The following ADCYAP1R1 variants were observed in gnomAD, a reference collection of about 807,000 sequenced individuals.
ADCYAP1R1 encodes the protein ADCYAP receptor type I.
ADCYAP1R1 carries 44 observed loss-of-function variants against 67.6 expected under a neutral mutation model. The ratio of observed to expected loss-of-function variants is 0.65; its 90% CI spans 0.51 to 0.84. The LOEUF (loss-of-function observed/expected upper bound fraction) is 0.84. Ranked by LOEUF, ADCYAP1R1 falls within the 40% of genes least tolerant of loss-of-function variation. The pLI, the probability that ADCYAP1R1 is intolerant of heterozygous loss-of-function variation, is 0.00. For missense variants in ADCYAP1R1, 477 were observed against 587.9 expected, an observed-to-expected ratio of 0.81 and a Z score of 1.95; for synonymous variants, 222 against 219.6, an observed-to-expected ratio of 1.01 and a Z score of -0.10.
intron 4 of ADCYAP1R1, among the ~76,000 whole-genome samples, chr7:31,080,350 A>T (rs1795463881): frequency 6.6e-6 from 1 of 152,102 alleles, no homozygotes; most frequent in Non-Finnish European, 1.5e-5. Flanking sequence ...GTGGCTGTGT[A>T]GGATATTGGA....
intron 12 of ADCYAP1R1, among the ~76,000 whole-genome samples, chr7:31,090,290 A>G (rs1387779550): frequency 2.0e-5 from 3 of 152,050 alleles, no homozygotes; most frequent in African/African-American, 2.4e-5. Context: ...GTGTATGTCT[A>G]TTGTCTTGCC....
chr7:31,109,789 A>AG lies in ADCYAP1R1; in HGVS notation c.*3111dup, dbSNP rs1015969476. ...TGCTGAGGCTGTCAGGGAGCCAGAGAGGGGGGTCCAAGTGCGGGATGTGGG... is the reference window on the plus strand; with the variant it reads ...TGCTGAGGCTGTCAGGGAGCCAGAGAGGGGGGGTCCAAGTGCGGGATGTGGG... On this transcript the variant is annotated 3_prime_UTR_variant, in exon 16 of 16. Transcript: ENST00000304166. The AG allele has an allele frequency of 6.6e-6, 1 of 152,386 alleles. No homozygotes were observed. The highest frequency in any genetic ancestry group is 2.4e-5 in the African/African-American group (1 of 41,378). 9.4% of individuals were successfully genotyped at this position (152,386 alleles called of 1,614,324 possible). A position where few individuals can be genotyped will look rare whatever the true frequency, so the allele number is the denominator to read the frequency against.
rs185353035 is a variant in ADCYAP1R1 at position 31,076,815 on chromosome 7, G to C, written c.158-1176G>C. 7.5e-3 allele frequency among the ~76,000 whole-genome samples: 1,137 copies of C among 152,264 alleles called. 56 individuals are homozygous for C. The highest frequency in any genetic ancestry group is 0.068 in the Admixed American group (1,048 of 15,302). The stretch of plus-strand genomic sequence containing the variant: ...CCCCTCCCCTTAGGGCGGATGGGGG[G>C]CCCTGCTGAGGGGGTGGATCTGAAG... On this transcript the variant is annotated intron_variant, in intron 3 of 15. Coordinates refer to ENST00000304166, the MANE Select transcript of ADCYAP1R1 (RefSeq NM_001118.5).
chr7:31,102,879 C>T lies in ADCYAP1R1; in HGVS notation c.1047-358C>T, dbSNP rs1362366958. Reference sequence around the variant, plus strand: ...CAGAACAGGAGAGCGGCTGCTCTGCCTGAGGACCCTGCATTTCCCACAAGC... The same window carrying T: ...CAGAACAGGAGAGCGGCTGCTCTGCTTGAGGACCCTGCATTTCCCACAAGC... On this transcript the variant is annotated intron_variant, in intron 13 of 15. Transcript: ENST00000304166. This position sits in a 1 kb window ranked among gnomAD's most constrained non-coding sequence, Gnocchi z 4.3. Among the ~76,000 whole-genome samples, 2 of 152,210 alleles carry T rather than the reference C, an allele frequency of 1.3e-5. No homozygotes were observed. Among genetic ancestry groups the T allele is most frequent in the Admixed American group, 1.3e-4 (2 of 15,278 alleles).
chr7:31,103,212 C>T (rs757261537), intron 13 of ADCYAP1R1, 25 bp from the exon 14 acceptor site: 10 of 1,612,502 alleles, frequency 6.2e-6, no homozygotes, highest in Non-Finnish European at 7.6e-6. Context: ...GTCCCCAGAG[C>T]AGATGTTTTG....
chr7:31,059,482 C>T (rs929568891), intron 1 of ADCYAP1R1, among the ~76,000 whole-genome samples: 2 of 152,152 alleles, frequency 1.3e-5, no homozygotes, highest in African/African-American at 4.8e-5. Flanking sequence ...TGGAGTGACC[C>T]ATTTTCCCAT....
chr7:31,081,181 CAG>C (rs1244443973), intron 5 of ADCYAP1R1, among the ~76,000 whole-genome samples: 3 of 151,896 alleles, frequency 2.0e-5, no homozygotes, highest in African/African-American at 7.3e-5. Flanking sequence ...TCATTGCTAA[CAG>C]GGGGTTTGGC....
At chr7:31,088,966 T>C (rs1473033618) in intron 12 of ADCYAP1R1, among the ~76,000 whole-genome samples, 4 of 152,224 alleles carry the variant, frequency 2.6e-5, no homozygotes, top group East Asian at 1.9e-4. Flanking sequence ...TCTTAAAAGA[T>C]TGAGTCATCC....
At chr7:31,063,404 C>T in intron 2 of ADCYAP1R1, 89 bp downstream of exon 2, 1 of 1,460,552 alleles carries the variant, frequency 6.8e-7, no homozygotes, top group South Asian at 1.2e-5. Context: ...ACCCTCAGCT[C>T]AGCTCTTCAT....
At position 31,084,232 on chromosome 7, in the gene ADCYAP1R1, A is replaced by T. The variant is rs1795643933; in HGVS notation, c.420A>T (p.Glu140Asp). The T allele has an allele frequency of 6.2e-7, 1 of 1,614,044 alleles. No homozygotes were observed. The highest frequency in any genetic ancestry group is 1.1e-5 in the South Asian group (1 of 91,064). The change falls in exon 7 of 16, where the codon GAA becomes GAT. Residue 140 changes from glutamate (E) to aspartate (D), a missense_variant. Physicochemically the swap from Glu to Asp is conservative, Grantham distance 45 (BLOSUM62 2). Coordinates refer to ENST00000304166, the MANE Select transcript of ADCYAP1R1 (RefSeq NM_001118.5). ...YFDACGFDEY[E>D]SETGDQDYYY... ...ATGCCTGTGGGTTTGATGAATATGA[A>T]TCTGAGACTGGGGACCAGGTGAGTG...
intron 1 of ADCYAP1R1, among the ~76,000 whole-genome samples, chr7:31,053,181 T>C (rs1460533180): frequency 6.6e-6 from 1 of 150,810 alleles, no homozygotes; most frequent in Non-Finnish European, 1.5e-5. Context: ...GCAAGCAATG[T>C]GCTAGGTGGG....
chr7:31,083,963 G>A (rs1049766228), intron 6 of ADCYAP1R1, among the ~76,000 whole-genome samples, 178 bp from the exon 7 acceptor site: 3 of 152,204 alleles, frequency 2.0e-5, no homozygotes, highest in Non-Finnish European at 4.4e-5. Flanking sequence ...AGATGAGCTT[G>A]CTCTTTGTCT....
At chr7:31,084,665 G>A (rs768857409) in intron 7 of ADCYAP1R1, 72 bp from the exon 8 acceptor site, 27 of 1,283,158 alleles carry the variant, frequency 2.1e-5, no homozygotes, top group Non-Finnish European at 3.1e-5. Flanking sequence ...GGGAGACTGG[G>A]TGCAGGCCTG....
intron 3 of ADCYAP1R1, among the ~76,000 whole-genome samples, chr7:31,072,172 T>C (rs76190786): frequency 0.021 from 3,229 of 152,232 alleles, 127 homozygotes; most frequent in African/African-American, 0.074. Flanking sequence ...TAACATTTCT[T>C]GCGTGCATGT....
At chr7:31,068,364 G>T (rs1023263972) in intron 3 of ADCYAP1R1, among the ~76,000 whole-genome samples, 1 of 152,178 alleles carries the variant, frequency 6.6e-6, no homozygotes, top group Non-Finnish European at 1.5e-5. Flanking sequence ...AAACCCCTCA[G>T]CCGGGAAGGT....
chr7:31,087,840 A>G (rs1390612011), intron 12 of ADCYAP1R1, 144 bp downstream of exon 12: 10 of 588,294 alleles, frequency 1.7e-5, no homozygotes, highest in Non-Finnish European at 2.7e-5. Flanking sequence ...AGGGATGCAC[A>G]AACTCTTTAG....
chr7:31,072,012 C>A (rs890330599), intron 3 of ADCYAP1R1, among the ~76,000 whole-genome samples: 1 of 134,274 alleles, frequency 7.4e-6, no homozygotes, highest in African/African-American at 2.7e-5. Context: ...GCCACCCACC[C>A]ACCCACCCAC....
intron 6 of ADCYAP1R1, among the ~76,000 whole-genome samples, chr7:31,083,224 A>T (rs949237219): frequency 1.3e-5 from 2 of 152,220 alleles, no homozygotes; most frequent in African/African-American, 4.8e-5. Context: ...GCTGGGCTGG[A>T]GGAAAAGGGA....
intron 3 of ADCYAP1R1, 45 bp from the exon 4 acceptor site, chr7:31,077,946 G>GGT: frequency 7.4e-7 from 1 of 1,351,968 alleles, no homozygotes; most frequent in Non-Finnish European, 1.0e-6. Flanking sequence ...TGTGTGTATG[G>GGT]GTGTGTGTGG....
Sources: allele counts gnomAD v4.1 joint callset (sites outside exome capture counted in the v4.1 genomes callset), GRCh38; gene constraint gnomAD v4.1.1; non-coding constraint Gnocchi (gnomAD v3.1); transcripts MANE v1.5; gene names NCBI Gene and HGNC (gene_info 2026-07-23, HGNC 2026-07-21).